The following SORL1 variants were observed in gnomAD, a reference collection of about 807,000 sequenced individuals.
SORL1 encodes sortilin related receptor 1, also known as sortilin-related receptor.
SORL1 carries 127 observed loss-of-function variants against 273.7 expected under a neutral mutation model. That is an observed-to-expected ratio of 0.46 (90% CI 0.40 to 0.54). SORL1 has a LOEUF of 0.54. SORL1 is among the 20% of genes least tolerant of loss of function. The pLI, the probability that SORL1 is intolerant of heterozygous loss-of-function variation, is 0.00. For missense variants in SORL1, 2,494 were observed against 2,846.1 expected (o/e 0.88, Z 2.81); for synonymous variants, 1,031 against 1,067.4 (o/e 0.97, Z 0.66).
At chr11:121,453,399 C>T (rs1005085127) in intron 1 of SORL1, among the ~76,000 whole-genome samples, 3 of 152,098 alleles carry the variant, frequency 2.0e-5, no homozygotes, top group South Asian at 2.1e-4. Context: ...AGACTTACTG[C>T]GAGGAATTGC....
At chr11:121,541,304 C>T (rs1862345265) in intron 12 of SORL1, among the ~76,000 whole-genome samples, 1 of 151,858 alleles carries the variant, frequency 6.6e-6, no homozygotes, top group Non-Finnish European at 1.5e-5. Flanking sequence ...TGGACTCAAG[C>T]AATCCTCACA....
At chr11:121,551,815 T>C (rs1000548632) in intron 16 of SORL1, among the ~76,000 whole-genome samples, 1 of 152,202 alleles carries the variant, frequency 6.6e-6, no homozygotes, top group African/African-American at 2.4e-5. Context: ...GTAATTAACA[T>C]ACCTCACTAT....
rs370726670 is a variant in SORL1 at position 121,612,718 on chromosome 11, C to G, written c.5323-18C>G. ...CATGACTAGCTGTTCATCTAACATG[C>G]TTCTTGGTTCTCGGCAGGTGAATGG... On this transcript the variant is annotated intron_variant, in intron 39 of 47. Coordinates refer to ENST00000260197, the MANE Select transcript of SORL1 (RefSeq NM_003105.6). 3.9e-5 allele frequency: 63 copies of G among 1,600,624 alleles called. No homozygotes were observed. The highest frequency in any genetic ancestry group is 5.1e-5 in the Non-Finnish European group (60 of 1,167,940).
chr11:121,601,837 T>C (rs1389717974), intron 32 of SORL1, among the ~76,000 whole-genome samples: 1 of 152,226 alleles, frequency 6.6e-6, no homozygotes, highest in African/African-American at 2.4e-5. Flanking sequence ...TTTGACCACA[T>C]TGTTACCCAG....
intron 25 of SORL1, among the ~76,000 whole-genome samples, chr11:121,583,202 T>C (rs934821192): frequency 2.0e-5 from 3 of 152,182 alleles, no homozygotes; most frequent in African/African-American, 7.2e-5. Context: ...GAAGAGCAAG[T>C]GATTTTTTAA....
intron 26 of SORL1, 25 bp downstream of exon 26, chr11:121,583,608 T>A (rs762705486): frequency 4.0e-5 from 63 of 1,583,918 alleles, no homozygotes; most frequent in Admixed American, 8.8e-5. Context: ...CCCAGCTCCC[T>A]CCCTGAGCCT....
Position 121,595,570 on chromosome 11 carries a change from T to C in SORL1, c.4370-53T>C, listed in dbSNP as rs1863281171. ...CTAGCATATTGATTGGTTGCTGTTATTGGCCAGCTCCCTCAATATTAAAAA... is the reference window on the plus strand; with the variant it reads ...CTAGCATATTGATTGGTTGCTGTTACTGGCCAGCTCCCTCAATATTAAAAA... On this transcript the variant is annotated intron_variant, in intron 31 of 47. Coordinates refer to ENST00000260197, the MANE Select transcript of SORL1 (RefSeq NM_003105.6). This position sits in a 1 kb window ranked among gnomAD's most constrained non-coding sequence, Gnocchi z 5.1. 1 of 1,490,122 alleles carries C rather than the reference T, an allele frequency of 6.7e-7. No individual in the cohort carries two copies. Among genetic ancestry groups the C allele is most frequent in the Non-Finnish European group, 9.1e-7 (1 of 1,101,300 alleles). 92.3% of individuals were successfully genotyped at this position (1,490,122 alleles called of 1,614,324 possible).
chr11:121,519,764 G>A (rs1862011341), intron 8 of SORL1, among the ~76,000 whole-genome samples: 1 of 152,188 alleles, frequency 6.6e-6, no homozygotes, highest in Admixed American at 6.5e-5. Flanking sequence ...TGTCTTGCAA[G>A]TCTGACTTAA....
At chr11:121,620,109 T>A (rs1166717549) in intron 43 of SORL1, among the ~76,000 whole-genome samples, 192 bp downstream of exon 43, 1 of 152,200 alleles carries the variant, frequency 6.6e-6, no homozygotes, top group Non-Finnish European at 1.5e-5. Context: ...TTGGCACTTC[T>A]CCATTATTCC....
chr11:121,456,966 T>C (rs1407586205), intron 1 of SORL1, among the ~76,000 whole-genome samples: 1 of 152,196 alleles, frequency 6.6e-6, no homozygotes, highest in East Asian at 1.9e-4. Flanking sequence ...GTTAGGATGT[T>C]TGACCTGTGT....
intron 12 of SORL1, among the ~76,000 whole-genome samples, chr11:121,537,342 G>A (rs1172782223): frequency 6.6e-6 from 1 of 152,188 alleles, no homozygotes; most frequent in African/African-American, 2.4e-5. Flanking sequence ...AGAATGGAGA[G>A]GATGGATTCA....
chr11:121,515,935 A>G (rs1861943056), intron 8 of SORL1, among the ~76,000 whole-genome samples: 1 of 152,138 alleles, frequency 6.6e-6, no homozygotes, highest in Non-Finnish European at 1.5e-5. Flanking sequence ...ATATGAGCCA[A>G]CACACTCAAT....
At position 121,555,312 on chromosome 11, in the gene SORL1, G is replaced by T. The variant is rs777325386; in HGVS notation, c.2565G>T (p.Lys855Asn). Residue 855 changes from lysine to asparagine, a missense_variant, in exon 18 of 48, where the codon AAG (lysine) becomes AAT (asparagine). This residue lies in a region of SORL1 where 1,609 missense variants were observed against 1,816.4 expected (regional missense o/e 0.89). Coordinates refer to ENST00000260197, the MANE Select transcript of SORL1 (RefSeq NM_003105.6). ...ACTGGGTAGATGCAGGCTTCAAAAA[G>T]ATTGAGGTATGTGTATTTTCGTGCT... is the stretch of plus-strand genomic sequence containing the variant. Reference protein sequence around the residue: ...LLYWVDAGFKKIEVANPDGDF... With the variant: ...LLYWVDAGFKNIEVANPDGDF... 8 of 1,613,766 alleles carry T rather than the reference G, an allele frequency of 5.0e-6. No homozygotes were observed. Among genetic ancestry groups the T allele is most frequent in the Non-Finnish European group, 6.8e-6 (8 of 1,179,770 alleles).
At chr11:121,509,681 C>T (rs769109955) in intron 6 of SORL1, among the ~76,000 whole-genome samples, 12 of 152,112 alleles carry the variant, frequency 7.9e-5, no homozygotes, top group African/African-American at 1.2e-4. Flanking sequence ...TTCACCATGT[C>T]GGCCAGGATG....
intron 3 of SORL1, among the ~76,000 whole-genome samples, chr11:121,484,955 A>G (rs1009003940): frequency 6.6e-6 from 1 of 152,108 alleles, no homozygotes; most frequent in African/African-American, 2.4e-5. Context: ...GGGTTTTGCC[A>G]TGTTGGCCAG....
chr11:121,468,385 T>G (rs1051536097), intron 1 of SORL1, among the ~76,000 whole-genome samples: 4 of 152,142 alleles, frequency 2.6e-5, no homozygotes, highest in African/African-American at 9.7e-5. Flanking sequence ...GATCCTGGTT[T>G]CATGGCATTG....
intron 21 of SORL1, among the ~76,000 whole-genome samples, chr11:121,565,332 C>T (rs1862739714): frequency 1.3e-5 from 2 of 152,146 alleles, no homozygotes; most frequent in Non-Finnish European, 2.9e-5. Flanking sequence ...TACTCTTTTC[C>T]TTGGCATCAT....
At chr11:121,584,097 T>A (rs2037761588) in intron 26 of SORL1, among the ~76,000 whole-genome samples, 1 of 152,238 alleles carries the variant, frequency 6.6e-6, no homozygotes, top group African/African-American at 2.4e-5. Flanking sequence ...ACTGTTATGC[T>A]AGTACCACTA....
intron 39 of SORL1, chr11:121,611,899 G>C (rs1014109324): frequency 6.6e-6 from 1 of 152,392 alleles, no homozygotes. Flanking sequence ...CCAGCACTTT[G>C]GGAGGCTGAG....
Sources: allele counts gnomAD v4.1 joint callset (sites outside exome capture counted in the v4.1 genomes callset), GRCh38; gene constraint gnomAD v4.1.1; regional missense constraint gnomAD v4.1.1; non-coding constraint Gnocchi (gnomAD v3.1); transcripts MANE v1.5; gene names NCBI Gene and HGNC (gene_info 2026-07-23, HGNC 2026-07-21).